Variants in ADGRG6 observed in about 807,000 individuals in gnomAD.
The protein encoded by ADGRG6 is adhesion G protein-coupled receptor G6.
In ADGRG6, 84 loss-of-function variants were observed where a neutral mutation model predicts 142.4. The observed-to-expected ratio is 0.59, with a 90% confidence interval of 0.49 to 0.71. The LOEUF is 0.71. Among genes scored for constraint, ADGRG6 ranks in the 30% least tolerant of loss-of-function variants. The pLI is 0.00. For synonymous variants in ADGRG6, 521 were observed against 520.5 expected, an observed-to-expected ratio of 1.00 and a Z score of -0.01; for missense variants, 1,367 against 1,466.6, an observed-to-expected ratio of 0.93 and a Z score of 1.11.
chr6:142,404,848 A>G (rs1489582477), intron 14 of ADGRG6, among the ~76,000 whole-genome samples: 3 of 152,174 alleles, frequency 2.0e-5, no homozygotes, highest in East Asian at 3.9e-4. Flanking sequence ...AGCAGGTGAC[A>G]GTACGGCTGG....
intron 11 of ADGRG6, 27 bp downstream of exon 11, chr6:142,400,623 C>T (rs1298098865): frequency 4.4e-6 from 5 of 1,137,668 alleles, no homozygotes; most frequent in Non-Finnish European, 6.7e-6. Flanking sequence ...CTCTTGCCAG[C>T]AAAGCTACAT....
At chr6:142,315,368 GAA>G in intron 2 of ADGRG6, among the ~76,000 whole-genome samples, 1 of 145,422 alleles carries the variant, frequency 6.9e-6, no homozygotes, top group African/African-American at 2.5e-5. Flanking sequence ...AAAGAAGATG[GAA>G]AAAAAAAACA....
At chr6:142,338,978 G>A (rs1779487372) in intron 2 of ADGRG6, among the ~76,000 whole-genome samples, 1 of 152,064 alleles carries the variant, frequency 6.6e-6, no homozygotes, top group Non-Finnish European at 1.5e-5. Context: ...TTTATTGGAT[G>A]TGATTATGCT....
intron 22 of ADGRG6, among the ~76,000 whole-genome samples, chr6:142,436,440 A>G (rs558097215): frequency 6.6e-6 from 1 of 152,280 alleles, no homozygotes; most frequent in Non-Finnish European, 1.5e-5. Context: ...CATCATTCTT[A>G]CAAGAGTGGT....
chr6:142,441,491 C>A (rs1483708141), intron 24 of ADGRG6, among the ~76,000 whole-genome samples: 6 of 152,156 alleles, frequency 3.9e-5, no homozygotes, highest in Non-Finnish European at 7.3e-5. Flanking sequence ...AATGTAATAT[C>A]TAACCAGAAG....
intron 2 of ADGRG6, among the ~76,000 whole-genome samples, chr6:142,360,690 G>A (rs1390927483): frequency 1.3e-5 from 2 of 151,686 alleles, no homozygotes; most frequent in South Asian, 2.1e-4. Context: ...ACACAGTTTC[G>A]CTCTGTCACC....
At chr6:142,378,617 T>C (rs1035016259) in intron 4 of ADGRG6, among the ~76,000 whole-genome samples, 1 of 152,176 alleles carries the variant, frequency 6.6e-6, no homozygotes, top group African/African-American at 2.4e-5. Flanking sequence ...TCATTGTGCA[T>C]TTGCTTAAGT....
At chr6:142,397,855 T>C (rs1775283279) in intron 10 of ADGRG6, 100 bp downstream of exon 10, 2 of 724,950 alleles carry the variant, frequency 2.8e-6, no homozygotes, top group Non-Finnish European at 4.2e-6. Context: ...TATTTGTTTA[T>C]GTAAGTTTTT....
intron 2 of ADGRG6, among the ~76,000 whole-genome samples, chr6:142,342,355 G>A (rs776668792): frequency 2.0e-5 from 3 of 152,050 alleles, no homozygotes; most frequent in Non-Finnish European, 2.9e-5. Context: ...GTGCTGCAGT[G>A]ATGATGATTA....
At chr6:142,379,716 A>G (rs1487280208) in intron 4 of ADGRG6, among the ~76,000 whole-genome samples, 1 of 152,116 alleles carries the variant, frequency 6.6e-6, no homozygotes, top group Non-Finnish European at 1.5e-5. Flanking sequence ...GCAGTGAGCC[A>G]AGATCATGCC....
intron 4 of ADGRG6, among the ~76,000 whole-genome samples, chr6:142,378,081 A>G (rs761194646): frequency 5.9e-5 from 9 of 152,218 alleles, no homozygotes; most frequent in South Asian, 2.1e-4. Flanking sequence ...CCATAAAAGA[A>G]TGCTACATAT....
chr6:142,438,447 C>A, intron 24 of ADGRG6, 83 bp downstream of exon 24: 1 of 870,294 alleles, frequency 1.1e-6, no homozygotes, highest in Non-Finnish European at 1.8e-6. Context: ...TGATAAATCA[C>A]AGTGCCTAAG....
chr6:142,363,554 A>G (rs574330361), intron 2 of ADGRG6, among the ~76,000 whole-genome samples: 65 of 152,314 alleles, frequency 4.3e-4, no homozygotes, highest in African/African-American at 1.4e-3. Flanking sequence ...TGTTTGGATT[A>G]CTTGAAAACC....
chr6:142,397,600 A>T lies in ADGRG6; in HGVS notation c.1425-13A>T. The T allele has an allele frequency of 6.2e-7, 1 of 1,606,614 alleles. No homozygotes were observed. Among genetic ancestry groups the T allele is most frequent in the Non-Finnish European group, 8.5e-7 (1 of 1,177,034 alleles). ...GAACAACAACAACAGTTCTATCCGA[A>T]ATGTTTCCCTAGGTTGGTGCTTTGG... is the stretch of plus-strand genomic sequence containing the variant. On this transcript the variant is annotated splice_polypyrimidine_tract_variant and intron_variant, in intron 9 of 24. Coordinates refer to ENST00000367609, the MANE Select transcript of ADGRG6 (RefSeq NM_198569.3).
At position 142,309,577 on chromosome 6, in the gene ADGRG6, T is replaced by C; in HGVS notation, c.36T>C (p.His12=). The change falls in exon 2 of 25, where the codon CAT becomes CAC. Residue 12 remains histidine, a synonymous_variant. Coordinates refer to ENST00000367609, the MANE Select transcript of ADGRG6 (RefSeq NM_198569.3). ...MFRSDRMWSC[H]WKWKPSPLLF... is the part of the protein sequence containing the mutation. ...GCTCAGATCGAATGTGGAGCTGCCA[T>C]TGGAAATGGAAGCCCAGTCCTCTCC... is the stretch of plus-strand genomic sequence containing the variant. The C allele has an allele frequency of 6.2e-7, 1 of 1,609,846 alleles. No individual in the cohort carries two copies.
chr6:142,341,302 A>G (rs1779605095), intron 2 of ADGRG6, among the ~76,000 whole-genome samples: 1 of 145,558 alleles, frequency 6.9e-6, no homozygotes, highest in South Asian at 2.1e-4. Context: ...CCTTGGCTTT[A>G]TTAACTGTTC....
At chr6:142,391,023 C>T (rs1774870673) in intron 7 of ADGRG6, among the ~76,000 whole-genome samples, 1 of 151,622 alleles carries the variant, frequency 6.6e-6, no homozygotes, top group Non-Finnish European at 1.5e-5. Context: ...GCTGTTCAGT[C>T]ATTTATTTAG....
At chr6:142,416,832 C>T (rs910805800) in intron 20 of ADGRG6, among the ~76,000 whole-genome samples, 1 of 152,072 alleles carries the variant, frequency 6.6e-6, no homozygotes, top group African/African-American at 2.4e-5. Flanking sequence ...CTTTATAGCC[C>T]CCTTGCTTTT....
At chr6:142,426,755 ATCT>A (rs1562388024) in intron 22 of ADGRG6, among the ~76,000 whole-genome samples, 1 of 152,134 alleles carries the variant, frequency 6.6e-6, no homozygotes, top group Non-Finnish European at 1.5e-5. Context: ...CAAGCATTTC[ATCT>A]TCTGAAATCT....
Sources: allele counts gnomAD v4.1 joint callset (sites outside exome capture counted in the v4.1 genomes callset), GRCh38; gene constraint gnomAD v4.1.1; transcripts MANE v1.5; gene names NCBI Gene and HGNC (gene_info 2026-07-23, HGNC 2026-07-21).